STK32A: variants seen among roughly 807,000 people sequenced by gnomAD.
STK32A encodes serine/threonine-protein kinase 32A.
Under a neutral mutation model 53.2 loss-of-function variants are expected in STK32A, and 41 were observed. The observed-to-expected ratio is 0.77, with a 90% CI of 0.60 to 1.00. STK32A has a LOEUF of 1.00. Among genes scored for constraint, STK32A ranks in the 50% least tolerant of loss-of-function variants. The pLI is 0.00. For synonymous variants in STK32A, 166 were observed against 162.8 expected, an observed-to-expected ratio of 1.02 and a Z score of -0.15; for missense variants, 458 against 485.8, an observed-to-expected ratio of 0.94 and a Z score of 0.54.
chr5:147,334,267 T>A (rs1030017416), intron 5 of STK32A, among the ~76,000 whole-genome samples: 1 of 152,214 alleles, frequency 6.6e-6, no homozygotes, highest in East Asian at 1.9e-4. Flanking sequence ...ATGCATAACC[T>A]TAGAAAGTTC....
intron 4 of STK32A, among the ~76,000 whole-genome samples, chr5:147,280,326 C>A (rs1213015910): frequency 6.6e-6 from 1 of 151,464 alleles, no homozygotes; most frequent in Non-Finnish European, 1.5e-5. Context: ...CCTTTTATTT[C>A]CCAGCTGGGA....
rs1490597998 is a variant in STK32A at position 147,363,203 on chromosome 5, A to G, written c.660+1589A>G. Reference sequence around the variant, plus strand: ...CCCATTCCAACATTTCAAAAGAGAAATGGGAAAGAAGGAAGGGGCATCAGC... The same window carrying G: ...CCCATTCCAACATTTCAAAAGAGAAGTGGGAAAGAAGGAAGGGGCATCAGC... On this transcript the variant is annotated intron_variant, in intron 8 of 12. Transcript: ENST00000397936. Among the ~76,000 whole-genome samples, 56 of 152,174 alleles carry G rather than the reference A, an allele frequency of 3.7e-4. 1 individual carries two copies. The highest frequency in any genetic ancestry group is 2.9e-5 in the Non-Finnish European group (2 of 68,014).
At chr5:147,343,354 G>A (rs967732818) in intron 6 of STK32A, 16 of 477,074 alleles carry the variant, frequency 3.4e-5, no homozygotes, top group Middle Eastern at 1.3e-3. Context: ...AATATAACAC[G>A]CAATCACCTA....
At chr5:147,280,495 GGT>G (rs1314025467) in intron 4 of STK32A, among the ~76,000 whole-genome samples, 2 of 151,860 alleles carry the variant, frequency 1.3e-5, no homozygotes, top group African/African-American at 4.8e-5. Flanking sequence ...ATGGGAGCTG[GGT>G]GAGGCCTGTG....
chr5:147,374,897 G>T (rs950612373), intron 10 of STK32A, among the ~76,000 whole-genome samples, 193 bp from the exon 11 acceptor site: 1 of 152,094 alleles, frequency 6.6e-6, no homozygotes, highest in African/African-American at 2.4e-5. Flanking sequence ...GCCTAATTGA[G>T]AGTTTAGAAA....
chr5:147,345,117 G>A (rs1471597229), intron 6 of STK32A, among the ~76,000 whole-genome samples: 8 of 152,176 alleles, frequency 5.3e-5, no homozygotes, highest in African/African-American at 1.4e-4. Context: ...GACTTCTGGA[G>A]CCAGATTGCC....
intron 11 of STK32A, among the ~76,000 whole-genome samples, chr5:147,379,112 G>A (rs2152007014): frequency 6.6e-6 from 1 of 151,554 alleles, no homozygotes; most frequent in East Asian, 2.0e-4. Flanking sequence ...GCAGTGGTTT[G>A]TATTTCTCCT....
intron 4 of STK32A, among the ~76,000 whole-genome samples, chr5:147,303,244 A>T (rs1753228151): frequency 6.6e-6 from 1 of 152,232 alleles, no homozygotes; most frequent in Non-Finnish European, 1.5e-5. Flanking sequence ...AACTCAAAAC[A>T]GCAAGTATTG....
At chr5:147,242,230 A>G (rs1358100090) in intron 2 of STK32A, among the ~76,000 whole-genome samples, 2 of 152,166 alleles carry the variant, frequency 1.3e-5, no homozygotes, top group African/African-American at 2.4e-5. Context: ...TGTGCCTCCC[A>G]AAGGTGCTAG....
intron 4 of STK32A, among the ~76,000 whole-genome samples, chr5:147,290,745 A>G (rs1752562389): frequency 6.6e-6 from 1 of 152,188 alleles, no homozygotes; most frequent in African/African-American, 2.4e-5. Flanking sequence ...AACATAGCCC[A>G]ATAAATGGTA....
chr5:147,401,484 C>G, the STK32A span: 1 of 1,536,316 alleles, frequency 6.5e-7, no homozygotes, highest in Non-Finnish European at 8.8e-7. Context: ...CAACCCCCAG[C>G]TGGACTCAAG....
intron 4 of STK32A, among the ~76,000 whole-genome samples, chr5:147,281,531 C>T (rs1752064182): frequency 6.6e-6 from 1 of 151,852 alleles, no homozygotes; most frequent in Non-Finnish European, 1.5e-5. Context: ...ACAAAGTCTT[C>T]AAATTAACCC....
At chr5:147,363,771 G>T (rs766033180) in intron 8 of STK32A, among the ~76,000 whole-genome samples, 9 of 152,146 alleles carry the variant, frequency 5.9e-5, no homozygotes, top group Non-Finnish European at 1.2e-4. Context: ...TTCAGAACAG[G>T]CTTGCTCATT....
chr5:147,288,958 G>T (rs1470400070), intron 4 of STK32A, among the ~76,000 whole-genome samples: 3 of 152,166 alleles, frequency 2.0e-5, no homozygotes, highest in Non-Finnish European at 2.9e-5. Flanking sequence ...ATAGTAACAG[G>T]TGTCTTACAA....
intron 2 of STK32A, among the ~76,000 whole-genome samples, chr5:147,268,390 C>T (rs1203975912): frequency 4.6e-5 from 7 of 152,104 alleles, no homozygotes; most frequent in African/African-American, 1.7e-4. Flanking sequence ...GCTACTTTCT[C>T]CCATTACAGG....
intron 4 of STK32A, among the ~76,000 whole-genome samples, chr5:147,293,953 AAAC>A (rs1752732409): frequency 1.3e-5 from 2 of 152,198 alleles, no homozygotes; most frequent in African/African-American, 4.8e-5. Context: ...AATTTTAATT[AAAC>A]ATTATAAACA....
chr5:147,375,009 T>A, intron 10 of STK32A, 81 bp from the exon 11 acceptor site: 2 of 1,321,856 alleles, frequency 1.5e-6, no homozygotes, highest in Non-Finnish European at 2.0e-6. Flanking sequence ...TAAGACTAAG[T>A]ATTATTTTCC....
chr5:147,321,466 CT>C (rs964345239), intron 4 of STK32A, among the ~76,000 whole-genome samples: 12 of 152,184 alleles, frequency 7.9e-5, no homozygotes, highest in Admixed American at 7.2e-4. Flanking sequence ...CCAAACGTGC[CT>C]CCATGATTAA....
chr5:147,305,065 C>T (rs1753336270), intron 4 of STK32A, among the ~76,000 whole-genome samples: 1 of 151,724 alleles, frequency 6.6e-6, no homozygotes, highest in African/African-American at 2.4e-5. Context: ...GCCTGGGTGA[C>T]AGGGCAAGAC....
Sources: allele counts gnomAD v4.1 joint callset (sites outside exome capture counted in the v4.1 genomes callset), GRCh38; gene constraint gnomAD v4.1.1; transcripts MANE v1.5; gene names NCBI Gene and HGNC (gene_info 2026-07-23, HGNC 2026-07-21).